The following TNRC18 variants were observed in gnomAD, a reference collection of about 807,000 sequenced individuals.
The protein encoded by TNRC18 is trinucleotide repeat-containing gene 18 protein.
In TNRC18, 69 loss-of-function variants were observed where a neutral mutation model predicts 226.7. That is an observed-to-expected ratio of 0.30 (90% confidence interval 0.25 to 0.37). The LOEUF (loss-of-function observed/expected upper bound fraction) is 0.37. Ranked by LOEUF, TNRC18 falls within the 10% of genes least tolerant of loss-of-function variation. The pLI, the probability that TNRC18 is intolerant of heterozygous loss-of-function variation, is 1.00. For synonymous variants in TNRC18, 2,449 were observed against 1,927.6 expected (o/e 1.27, Z -7.09); for missense variants, 4,754 against 4,256.6 (o/e 1.12, Z -3.25).
intron 17 of TNRC18, 101 bp downstream of exon 17, chr7:5,351,718 C>T: frequency 7.3e-7 from 1 of 1,364,150 alleles, no homozygotes. Context: ...GCCTCCTCAC[C>T]CACCATCTCT....
At chr7:5,404,042 C>T (rs747978520) in intron 2 of TNRC18, among the ~76,000 whole-genome samples, 2 of 152,208 alleles carry the variant, frequency 1.3e-5, no homozygotes, top group Non-Finnish European at 2.9e-5. Context: ...AATGGGTTAA[C>T]ACTCTGGCTA....
chr7:5,376,720 C>G, intron 8 of TNRC18, 127 bp downstream of exon 8: 2 of 1,165,680 alleles, frequency 1.7e-6, no homozygotes, highest in Non-Finnish European at 2.4e-6. Flanking sequence ...TCTCTGAACC[C>G]CGGTCCGCCT....
At position 5,394,541 on chromosome 7, in the gene TNRC18, G is replaced by A; in HGVS notation, c.242C>T (p.Ser81Phe). 4 of 1,551,712 alleles carry A rather than the reference G, an allele frequency of 2.6e-6. No homozygotes were observed. The highest frequency in any genetic ancestry group is 3.5e-6 in the Non-Finnish European group (4 of 1,149,894). The change falls in exon 3 of 30, where the codon TCC becomes TTC. Residue 81 changes from serine to phenylalanine, a missense_variant. Coordinates refer to ENST00000430969, the MANE Select transcript of TNRC18 (RefSeq NM_001080495.3). The surrounding 1 kb of genome is among the most constrained non-coding windows in gnomAD (Gnocchi z 4.5). ...GGGCAGTGGCACTGGGCTCCCATGG[G>A]ACGAGGCCGAGGGCCCCATCCCGCT... is the stretch of plus-strand genomic sequence containing the variant. ...VASGMGPSAS[S>F]HGSPVPLPSD...
intron 18 of TNRC18, 36 bp downstream of exon 18, chr7:5,345,526 A>ACACCCCC: frequency 5.6e-6 from 1 of 177,498 alleles, no homozygotes; most frequent in Non-Finnish European, 1.1e-5. Context: ...CGCCCCTCCC[A>ACACCCCC]CCCACCCCCA....
intron 2 of TNRC18, among the ~76,000 whole-genome samples, chr7:5,399,669 G>A (rs1780943854): frequency 6.6e-6 from 1 of 151,716 alleles, no homozygotes; most frequent in Non-Finnish European, 1.5e-5. Flanking sequence ...TCGCGCCACT[G>A]CACTCCAGCC....
At chr7:5,371,652 C>A (rs1028505461) in intron 10 of TNRC18, among the ~76,000 whole-genome samples, 11 of 152,214 alleles carry the variant, frequency 7.2e-5, no homozygotes, top group Non-Finnish European at 1.6e-4. Context: ...CAGCACAAGG[C>A]TAGACCAGAA....
intron 11 of TNRC18, among the ~76,000 whole-genome samples, chr7:5,363,041 C>G (rs1228392622): frequency 2.0e-5 from 3 of 152,194 alleles, no homozygotes; most frequent in Non-Finnish European, 4.4e-5. Context: ...CGCCTGTAAT[C>G]CCAGCACTTT....
intron 2 of TNRC18, among the ~76,000 whole-genome samples, chr7:5,407,810 TACCGAGACTCC>T (rs1381621384): frequency 6.6e-6 from 1 of 152,020 alleles, no homozygotes; most frequent in Non-Finnish European, 1.5e-5. Flanking sequence ...GTTTCCCCCC[TACCGAGACTCC>T]ACCTCCCAGG....
chr7:5,384,217 C>G (rs1183949591), intron 5 of TNRC18, among the ~76,000 whole-genome samples: 1 of 152,208 alleles, frequency 6.6e-6, no homozygotes, highest in African/African-American at 2.4e-5. Context: ...ATCCACCCGC[C>G]TCGGTCTCCC....
At position 5,312,839 on chromosome 7, in the gene TNRC18, C is replaced by G. The variant is rs1019012908; in HGVS notation, c.8052G>C (p.Glu2684Asp). Residue 2684 changes from glutamate to aspartate, a missense_variant, in exon 27 of 30, where the codon GAG (glutamate) becomes GAC (aspartate). Glu to Asp is a conservative substitution (Grantham distance 45, BLOSUM62 2). Coordinates refer to ENST00000430969, the MANE Select transcript of TNRC18 (RefSeq NM_001080495.3). This position sits in a 1 kb window ranked among gnomAD's most constrained non-coding sequence, Gnocchi z 6.3. ...DEDSSCSSDDEAAPAPTAGPS... is the reference protein window; with the variant it reads ...DEDSSCSSDDDAAPAPTAGPS... ...GGCCAGCCGTGGGGGCGGGGGCTGC[C>G]TCATCGTCCGAGCTGCAGGAAGAGT... The G allele has an allele frequency of 5.2e-6, 8 of 1,527,708 alleles. No individual in the cohort carries two copies. In the African/African-American group the frequency reaches 8.2e-5, roughly 16 times the overall value. The allele number at this position is 1,527,708 out of a possible 1,614,324, so 94.6% of individuals were successfully genotyped here.
chr7:5,408,688 A>G (rs1257253908), intron 2 of TNRC18, among the ~76,000 whole-genome samples: 1 of 152,190 alleles, frequency 6.6e-6, no homozygotes, highest in African/African-American at 2.4e-5. Context: ...GAAAGCAGAG[A>G]GACAAGAGAT....
intron 2 of TNRC18, among the ~76,000 whole-genome samples, chr7:5,406,788 T>G (rs1261143426): frequency 3.3e-5 from 5 of 150,462 alleles, no homozygotes; most frequent in African/African-American, 1.2e-4. Flanking sequence ...GAGGCAGAGG[T>G]TGCAGTGAGC....
chr7:5,380,706 C>T (rs1779339971), intron 5 of TNRC18, among the ~76,000 whole-genome samples: 1 of 152,210 alleles, frequency 6.6e-6, no homozygotes, highest in Non-Finnish European at 1.5e-5. Flanking sequence ...GCAAGGGGCC[C>T]TGCCTGTGGA....
Position 5,315,105 on chromosome 7 carries a change from G to A in TNRC18, c.6906C>T (p.Arg2302=). 3.1e-6 allele frequency: 5 copies of A among 1,613,076 alleles called. No individual in the cohort carries two copies. The highest frequency in any genetic ancestry group is 4.2e-6 in the Non-Finnish European group (5 of 1,179,716). ...TGTCTTTGCTGGTCTTCCGGCTGCGGCGCTTGGCACTTGGCACCAGAAGGG... is the reference window on the plus strand; with the variant it reads ...TGTCTTTGCTGGTCTTCCGGCTGCGACGCTTGGCACTTGGCACCAGAAGGG... ...SPALLVPSAK[R]RSRKTSKDTG... is the part of the protein sequence containing the mutation. Residue 2302 remains arginine (R), a synonymous_variant, in exon 26 of 30, where the codon CGC becomes CGT. Transcript: ENST00000430969.
chr7:5,307,345 CTT>C lies in TNRC18; in HGVS notation c.*759_*760del, dbSNP rs2062223479. On this transcript the variant is annotated 3_prime_UTR_variant, in exon 30 of 30. Transcript: ENST00000430969. ...TATGATACAGGGGCGGGGCGAGTCT[CTT>C]GGTACAATAAAACTGTACAGGTTAA... 2.1e-5 allele frequency: 4 copies of C among 189,512 alleles called. No individual in the cohort carries two copies. In the South Asian group the frequency reaches 2.5e-4, roughly 12 times the overall value. The allele number at this position is 189,512 out of a possible 1,614,324, so 11.7% of individuals were successfully genotyped here. A position where few individuals can be genotyped will look rare whatever the true frequency, so the allele number is the denominator to read the frequency against.
intron 18 of TNRC18, among the ~76,000 whole-genome samples, chr7:5,337,414 G>A (rs1401925781): frequency 6.6e-6 from 1 of 151,738 alleles, no homozygotes; most frequent in African/African-American, 2.4e-5. Context: ...AACCCAGAAG[G>A]CGGAGGTTGC....
chr7:5,342,692 T>G (rs1314273335), intron 18 of TNRC18, among the ~76,000 whole-genome samples: 1 of 152,314 alleles, frequency 6.6e-6, no homozygotes, highest in East Asian at 1.9e-4. Flanking sequence ...GTGAACACTG[T>G]TGAAATGACA....
At chr7:5,359,699 G>A (rs1016518693) in intron 14 of TNRC18, 130 bp from the exon 15 acceptor site, 8 of 919,932 alleles carry the variant, frequency 8.7e-6, no homozygotes, top group South Asian at 2.8e-5. Context: ...AGTGACGGGC[G>A]TGGGGAGATG....
At chr7:5,333,376 G>A (rs1032193957) in intron 18 of TNRC18, among the ~76,000 whole-genome samples, 3 of 152,326 alleles carry the variant, frequency 2.0e-5, no homozygotes, top group African/African-American at 7.2e-5. Flanking sequence ...GGCAGGACGG[G>A]CCCCACACCT....
Sources: gnomAD v4.1 joint callset for allele counts (sites outside exome capture counted in the v4.1 genomes callset) on GRCh38, gnomAD v4.1.1 for gene constraint, Gnocchi (gnomAD v3.1) non-coding constraint, MANE v1.5 for transcripts, NCBI Gene and HGNC (gene_info 2026-07-23, HGNC 2026-07-21) for gene names.